The following ZC4H2 variants were observed in gnomAD, a reference collection of about 807,000 sequenced individuals.
The protein encoded by ZC4H2 is zinc finger C4H2 domain-containing protein.
For missense variants in ZC4H2, 137 were observed against 173.9 expected, an observed-to-expected ratio of 0.79 and a Z score of 1.19; for synonymous variants, 84 against 66.3, an observed-to-expected ratio of 1.27 and a Z score of -1.30.
At chrX:64,950,595 T>C (rs139002011) in intron 1 of ZC4H2, among the ~76,000 whole-genome samples, 1,993 of 110,891 alleles carry the variant, frequency 0.018, 35 homozygotes, top group Middle Eastern at 0.037. Context: ...CCCTTTACCA[T>C]TATGAAATGA....
At chrX:64,948,305 A>T (rs1930634979) in intron 1 of ZC4H2, among the ~76,000 whole-genome samples, 4 of 111,407 alleles carry the variant, frequency 3.6e-5, no homozygotes, top group Admixed American at 1.9e-4. Context: ...GGGCTCTTAC[A>T]CCTGACTGGG....
intron 1 of ZC4H2, among the ~76,000 whole-genome samples, chrX:64,928,478 C>CTA (rs938506565): frequency 2.7e-5 from 3 of 111,573 alleles, no homozygotes; most frequent in African/African-American, 9.8e-5. Flanking sequence ...TTCCATTGGT[C>CTA]TATATATCTG....
chrX:64,949,420 A>C (rs921075558), intron 1 of ZC4H2, among the ~76,000 whole-genome samples: 2 of 111,206 alleles, frequency 1.8e-5, no homozygotes, highest in African/African-American at 6.5e-5. Flanking sequence ...TCATCATATC[A>C]AACTGTTTTA....
intron 1 of ZC4H2, among the ~76,000 whole-genome samples, chrX:65,020,083 G>T (rs1359237504): frequency 8.9e-6 from 1 of 111,875 alleles, no homozygotes; most frequent in Non-Finnish European, 1.9e-5. Flanking sequence ...AAAGTTACAG[G>T]GAGAATGGAA....
intron 1 of ZC4H2, among the ~76,000 whole-genome samples, chrX:64,951,729 A>C (rs1318449874): frequency 9.1e-6 from 1 of 109,557 alleles, no homozygotes; most frequent in African/African-American, 3.4e-5. Context: ...GGTTGCAAAA[A>C]TTTTCTCCCA....
intron 1 of ZC4H2, among the ~76,000 whole-genome samples, chrX:64,930,550 C>T (rs1404726917): frequency 4.5e-5 from 5 of 111,403 alleles, no homozygotes; most frequent in Admixed American, 1.9e-4. Context: ...CTCTTCTATG[C>T]CAGTTTTTGT....
At chrX:65,001,653 T>C (rs1413954678) in intron 1 of ZC4H2, among the ~76,000 whole-genome samples, 1 of 111,570 alleles carries the variant, frequency 9.0e-6, no homozygotes, top group African/African-American at 3.3e-5. Context: ...AATGGCAAAT[T>C]GGATAAAAAG....
intron 1 of ZC4H2, among the ~76,000 whole-genome samples, chrX:64,996,637 A>C (rs1932419152): frequency 8.9e-6 from 1 of 112,118 alleles, no homozygotes; most frequent in Non-Finnish European, 1.9e-5. Context: ...ATATAGGAAT[A>C]TTAACTTTAA....
At chrX:64,932,827 C>T (rs1001762391) in intron 1 of ZC4H2, among the ~76,000 whole-genome samples, 1 of 110,506 alleles carries the variant, frequency 9.0e-6, no homozygotes, top group Admixed American at 9.7e-5. Flanking sequence ...ACCTGGTGAC[C>T]CTGTGCCTTA....
chrX:64,950,856 G>A (rs1357854063), intron 1 of ZC4H2, among the ~76,000 whole-genome samples: 1 of 110,152 alleles, frequency 9.1e-6, no homozygotes, highest in African/African-American at 3.3e-5. Flanking sequence ...TCCACAATGT[G>A]CAGGTTAGTT....
At chrX:64,938,076 G>C (rs1052891498) in intron 1 of ZC4H2, among the ~76,000 whole-genome samples, 1 of 111,701 alleles carries the variant, frequency 9.0e-6, no homozygotes, top group Admixed American at 9.5e-5. Context: ...GAATCAAATA[G>C]ACACAGTAAA....
chrX:64,931,704 G>C (rs1929753736), intron 1 of ZC4H2, among the ~76,000 whole-genome samples: 1 of 111,140 alleles, frequency 9.0e-6, no homozygotes, highest in Non-Finnish European at 1.9e-5. Flanking sequence ...ATTCCCCTGT[G>C]GTCTGAGAAA....
chrX:64,952,859 G>T (rs1254030850), intron 1 of ZC4H2, among the ~76,000 whole-genome samples: 1 of 111,032 alleles, frequency 9.0e-6, no homozygotes, highest in Admixed American at 9.6e-5. Context: ...AGCCCTCATT[G>T]CCAAGTCAAC....
At chrX:64,927,901 T>C (rs1929502884) in intron 1 of ZC4H2, among the ~76,000 whole-genome samples, 1 of 112,740 alleles carries the variant, frequency 8.9e-6, no homozygotes, top group Non-Finnish European at 1.9e-5. Flanking sequence ...TTTTTTCATA[T>C]GTTTGACGGC....
intron 1 of ZC4H2, among the ~76,000 whole-genome samples, chrX:65,011,171 T>C (rs1475738693): frequency 8.9e-6 from 1 of 112,197 alleles, no homozygotes; most frequent in Admixed American, 9.5e-5. Context: ...CAAATGTTGA[T>C]AGTTTTGTTC....
At chrX:64,968,539 A>G (rs1309238874) in intron 1 of ZC4H2, among the ~76,000 whole-genome samples, 3 of 111,649 alleles carry the variant, frequency 2.7e-5, no homozygotes, top group South Asian at 3.8e-4. Flanking sequence ...GGATGCTTCA[A>G]TGAGATGAAA....
At chrX:64,998,877 AT>A (rs903021383) in intron 1 of ZC4H2, among the ~76,000 whole-genome samples, 2 of 109,086 alleles carry the variant, frequency 1.8e-5, no homozygotes, top group Middle Eastern at 4.8e-3. Context: ...TCTTATAATC[AT>A]TTTTTTAAAT....
At chrX:64,946,246 G>A (rs1930524901) in intron 1 of ZC4H2, among the ~76,000 whole-genome samples, 1 of 111,807 alleles carries the variant, frequency 8.9e-6, no homozygotes, top group African/African-American at 3.3e-5. Flanking sequence ...TGGTGGTACA[G>A]GTCCATGAGG....
chrX:64,972,350 A>G (rs1189285538), intron 1 of ZC4H2, among the ~76,000 whole-genome samples: 1 of 111,265 alleles, frequency 9.0e-6, no homozygotes, highest in Non-Finnish European at 1.9e-5. Flanking sequence ...ATGAATGCAT[A>G]TATTTCTGGG....
Sources: allele counts gnomAD v4.1 joint callset (sites outside exome capture counted in the v4.1 genomes callset), GRCh38; gene constraint gnomAD v4.1.1; transcripts MANE v1.5; gene names NCBI Gene and HGNC (gene_info 2026-07-23, HGNC 2026-07-21).